Variants in AP3B1 observed in about 807,000 individuals in gnomAD.
The protein encoded by AP3B1 is adaptor related protein complex 3 subunit beta 1, also known as AP-3 complex subunit beta-1.
A neutral mutation model predicts 132.5 loss-of-function variants in AP3B1; 61 were observed. The observed-to-expected ratio is 0.46, with a 90% CI of 0.37 to 0.57. AP3B1 has a LOEUF of 0.57. AP3B1 is among the 20% of genes least tolerant of loss of function. AP3B1 has a pLI of 0.00. For synonymous variants in AP3B1, 388 were observed against 438.3 expected, an observed-to-expected ratio of 0.89 and a Z score of 1.43; for missense variants, 1,120 against 1,289.4, an observed-to-expected ratio of 0.87 and a Z score of 2.01.
At chr5:78,087,586 T>C in intron 22 of AP3B1, 1 of 985,368 alleles carries the variant, frequency 1.0e-6, no homozygotes, top group Non-Finnish European at 1.2e-6. Context: ...TTTTGGGGAG[T>C]GAGTGTTGTG....
intron 24 of AP3B1, among the ~76,000 whole-genome samples, chr5:78,028,005 A>C (rs1370702538): frequency 6.6e-6 from 1 of 152,092 alleles, no homozygotes; most frequent in African/African-American, 2.4e-5. Context: ...GCGTGCCTGT[A>C]ATCCAAGCTA....
intron 14 of AP3B1, 25 bp downstream of exon 14, chr5:78,156,233 C>A: frequency 6.6e-7 from 1 of 1,503,984 alleles, no homozygotes; most frequent in Non-Finnish European, 9.3e-7. Context: ...TAAAATTCAG[C>A]AAACATCTCT....
intron 11 of AP3B1, among the ~76,000 whole-genome samples, 171 bp from the exon 12 acceptor site, chr5:78,165,843 C>T (rs1423686365): frequency 6.6e-6 from 1 of 152,098 alleles, no homozygotes; most frequent in Middle Eastern, 3.2e-3. Context: ...CCGAGGCGGG[C>T]GGATCACCTG....
chr5:78,012,468 A>G (rs1293283344), intron 26 of AP3B1, among the ~76,000 whole-genome samples: 1 of 152,242 alleles, frequency 6.6e-6, no homozygotes, highest in Non-Finnish European at 1.5e-5. Flanking sequence ...AAAAATAAAA[A>G]TAACTTTAGG....
intron 21 of AP3B1, among the ~76,000 whole-genome samples, chr5:78,093,257 A>T (rs1303075637): frequency 2.0e-5 from 3 of 152,172 alleles, no homozygotes; most frequent in Non-Finnish European, 4.4e-5. Flanking sequence ...CAATGGCACA[A>T]TTGCAGCTCA....
chr5:78,096,591 G>C (rs1022174885), intron 21 of AP3B1, among the ~76,000 whole-genome samples: 2 of 142,368 alleles, frequency 1.4e-5, no homozygotes, highest in East Asian at 4.3e-4. Context: ...GCCGCCCATC[G>C]TCTGAGATGT....
chr5:78,097,448 G>A (rs1324961508), intron 21 of AP3B1, among the ~76,000 whole-genome samples: 7 of 125,546 alleles, frequency 5.6e-5, no homozygotes, highest in South Asian at 2.7e-4. Flanking sequence ...CTGCCCGGCC[G>A]CCCCTACTGG....
chr5:78,020,885 T>A, intron 24 of AP3B1, 96 bp from the exon 25 acceptor site: 1 of 998,830 alleles, frequency 1.0e-6, no homozygotes, highest in Non-Finnish European at 1.5e-6. Context: ...TATGCTAGCA[T>A]ATACAGTATA....
At position 78,163,197 on chromosome 5, in the gene AP3B1, G is replaced by A. The variant is rs576487783; in HGVS notation, c.1231-246C>T. On this transcript the variant is annotated intron_variant, in intron 12 of 26. Transcript: ENST00000255194. ...CATTCACCTGTGGCCATAGTGGCTT[G>A]AGACTCCAAAACAGATAGTAGGAGC... Among the ~76,000 whole-genome samples the A allele has an allele frequency of 3.9e-3, 590 of 152,160 alleles. 2 individuals carry two copies. The highest frequency in any genetic ancestry group is 0.014 in the Middle Eastern group (4 of 294).
chr5:78,169,733 G>GTTATTTATTTATTTA (rs138208601), intron 11 of AP3B1, among the ~76,000 whole-genome samples: 72 of 151,268 alleles, frequency 4.8e-4, no homozygotes, highest in African/African-American at 1.7e-3. Flanking sequence ...AAGCCCTGAA[G>GTTATTTATTTATTTA]TTTATTTATT....
At chr5:78,069,399 A>G (rs879225465) in intron 22 of AP3B1, among the ~76,000 whole-genome samples, 1 of 152,214 alleles carries the variant, frequency 6.6e-6, no homozygotes, top group Admixed American at 6.5e-5. Context: ...CAACTTTAGC[A>G]AAGTCTCAGT....
At chr5:78,292,234 T>G (rs1749555135) in intron 1 of AP3B1, among the ~76,000 whole-genome samples, 1 of 152,196 alleles carries the variant, frequency 6.6e-6, no homozygotes, top group South Asian at 2.1e-4. Context: ...TACGGTTTTA[T>G]AAATGAGAAA....
chr5:78,099,521 T>C (rs181058448), intron 21 of AP3B1, among the ~76,000 whole-genome samples: 2 of 152,286 alleles, frequency 1.3e-5, no homozygotes, highest in South Asian at 2.1e-4. Context: ...AATTAAGCCA[T>C]TAAATTCAAG....
chr5:78,117,365 G>C (rs1051964393), intron 17 of AP3B1, among the ~76,000 whole-genome samples: 1 of 150,448 alleles, frequency 6.6e-6, no homozygotes. Context: ...GCTGGAGTAT[G>C]GTGACAGGAT....
chr5:78,238,421 T>C (rs905527371), intron 3 of AP3B1, among the ~76,000 whole-genome samples: 1 of 152,188 alleles, frequency 6.6e-6, no homozygotes, highest in Non-Finnish European at 1.5e-5. Flanking sequence ...GTAATGCTTT[T>C]GAATCATCCT....
Position 78,157,254 on chromosome 5 carries a change from G to A in AP3B1, c.1364-887C>T, listed in dbSNP as rs111665723. On this transcript the variant is annotated intron_variant, in intron 13 of 26. Transcript: ENST00000255194. ...CCCTTCAATCTGAGGCATGGTAAAG[G>A]CCTCCCACTGTTGATAGCCTGTTAG... Among the ~76,000 whole-genome samples, 628 of 152,066 alleles carry A rather than the reference G, an allele frequency of 4.1e-3. 3 individuals are homozygous for A. Among genetic ancestry groups the A allele is most frequent in the Middle Eastern group, 0.02 (6 of 294 alleles).
At chr5:78,176,343 G>GA (rs11324490) in intron 9 of AP3B1, among the ~76,000 whole-genome samples, 139 of 136,780 alleles carry the variant, frequency 1.0e-3, no homozygotes, top group Admixed American at 1.3e-3. Context: ...CTAGCCATAG[G>GA]AAAAAAAAAA....
At position 78,146,949 on chromosome 5, in the gene AP3B1, T is replaced by C. The variant is rs576219479; in HGVS notation, c.1474-5630A>G. Among the ~76,000 whole-genome samples the C allele has an allele frequency of 2.0e-5, 3 of 152,210 alleles. No individual in the cohort carries two copies. In the South Asian group the frequency reaches 6.2e-4, roughly 32 times the overall value. ...TTATGCCTAAATACATTCTTGATTTTTTGAAAATATTCACTGGATATACTC... is the reference window on the plus strand; with the variant it reads ...TTATGCCTAAATACATTCTTGATTTCTTGAAAATATTCACTGGATATACTC... On this transcript the variant is annotated intron_variant, in intron 14 of 26. Coordinates refer to ENST00000255194, the MANE Select transcript of AP3B1 (RefSeq NM_003664.5).
intron 7 of AP3B1, among the ~76,000 whole-genome samples, chr5:78,191,956 G>A (rs1744853181): frequency 6.6e-6 from 1 of 152,024 alleles, no homozygotes; most frequent in South Asian, 2.1e-4. Flanking sequence ...CGCCTCCTGG[G>A]TTCAAGCAAT....
Sources: allele counts gnomAD v4.1 joint callset (sites outside exome capture counted in the v4.1 genomes callset), GRCh38; gene constraint gnomAD v4.1.1; transcripts MANE v1.5; gene names NCBI Gene and HGNC (gene_info 2026-07-23, HGNC 2026-07-21).